ROBO2: variants seen among roughly 807,000 people sequenced by gnomAD.
The protein encoded by ROBO2 is roundabout homolog 2.
A neutral mutation model predicts 160.8 loss-of-function variants in ROBO2; 53 were observed. That is an observed-to-expected ratio of 0.33 (90% CI 0.26 to 0.41). The LOEUF (loss-of-function observed/expected upper bound fraction) is 0.41. ROBO2 is among the 10% of genes least tolerant of loss of function. ROBO2 has a pLI of 1.00. For synonymous variants in ROBO2, 664 were observed against 611.7 expected, an observed-to-expected ratio of 1.09 and a Z score of -1.26; for missense variants, 1,577 against 1,722.4, an observed-to-expected ratio of 0.92 and a Z score of 1.49.
At chr3:77,568,318 A>C in exon 13 of ROBO2, 1 of 1,612,768 alleles carries the variant, frequency 6.2e-7, no homozygotes, top group Non-Finnish European at 8.5e-7. Context: ...TGCAGATATC[A>C]GCCCACCAGC....
intron 3 of ROBO2, among the ~76,000 whole-genome samples, chr3:77,478,929 G>T (rs988098349): frequency 1.3e-5 from 2 of 152,068 alleles, no homozygotes; most frequent in African/African-American, 4.8e-5. Context: ...AAATAAACTG[G>T]CAATAGACAG....
chr3:76,863,626 GTGAAT>G (rs770722106), intron 2 of ROBO2, among the ~76,000 whole-genome samples: 6 of 152,012 alleles, frequency 3.9e-5, no homozygotes, highest in Non-Finnish European at 7.4e-5. Context: ...CTCTTAGACT[GTGAAT>G]TCCATGGGAA....
intron 2 of ROBO2, among the ~76,000 whole-genome samples, chr3:77,026,532 A>G (rs2062975649): frequency 6.6e-6 from 1 of 152,224 alleles, no homozygotes; most frequent in African/African-American, 2.4e-5. Flanking sequence ...TTTATTTCAC[A>G]GAGTCTGAAA....
chr3:76,642,341 C>CTTTTTTTTT lies in ROBO2; in HGVS notation c.110-455652_110-455644dup, dbSNP rs71104611. 4.2e-4 allele frequency among the ~76,000 whole-genome samples: 26 copies of CTTTTTTTTT among 62,218 alleles called. 5 individuals carry two copies. Among genetic ancestry groups the CTTTTTTTTT allele is most frequent in the African/African-American group, 1.7e-3 (23 of 13,908 alleles). The allele number at this position is 62,218 out of a possible 152,430, so 40.8% of individuals were successfully genotyped here. On this transcript the variant is annotated intron_variant, in intron 2 of 26. Coordinates refer to the ROBO2 transcript ENST00000487694. ...GCTAATTCAGAAATATTTACACTTGCTTTTTTTTTTTTTTTTTTTTTTTTT... is the reference window on the plus strand; with the variant it reads ...GCTAATTCAGAAATATTTACACTTGCTTTTTTTTTTTTTTTTTTTTTTTTTTTTTTTTTT...
intron 2 of ROBO2, among the ~76,000 whole-genome samples, chr3:76,405,465 A>G (rs1318153943): frequency 6.6e-6 from 1 of 151,812 alleles, no homozygotes; most frequent in African/African-American, 2.4e-5. Context: ...GAAGAAGAGT[A>G]GAAAGGTCAG....
intron 4 of ROBO2, among the ~76,000 whole-genome samples, chr3:77,490,099 CT>C (rs753903306): frequency 8.2e-4 from 104 of 126,650 alleles, no homozygotes; most frequent in East Asian, 1.8e-3. Flanking sequence ...TTGTATTTTA[CT>C]TTTTTTTTTT....
exon 19 of ROBO2, chr3:77,596,640 A>G (rs980059108): frequency 1.2e-5 from 20 of 1,613,842 alleles, no homozygotes; most frequent in East Asian, 2.2e-5. Flanking sequence ...GGTCTTCTCA[A>G]TGCTGGTGAT....
At chr3:77,278,421 G>T (rs1037461059) in intron 2 of ROBO2, among the ~76,000 whole-genome samples, 3 of 152,078 alleles carry the variant, frequency 2.0e-5, no homozygotes, top group Non-Finnish European at 4.4e-5. Context: ...GTACAGTGTT[G>T]CTAGAAAATA....
At chr3:76,284,230 C>T (rs1280939307) in intron 2 of ROBO2, among the ~76,000 whole-genome samples, 4 of 151,948 alleles carry the variant, frequency 2.6e-5, no homozygotes, top group Non-Finnish European at 1.5e-5. Context: ...TTTACCTTGG[C>T]AATAAAACCA....
intron 2 of ROBO2, among the ~76,000 whole-genome samples, chr3:76,354,805 A>G (rs957186708): frequency 4.6e-5 from 7 of 151,854 alleles, no homozygotes; most frequent in East Asian, 1.9e-4. Flanking sequence ...GAGAAGCCTC[A>G]GCACAGATGT....
intron 2 of ROBO2, among the ~76,000 whole-genome samples, chr3:77,350,606 A>G (rs771362087): frequency 8.5e-5 from 13 of 152,122 alleles, no homozygotes; most frequent in Non-Finnish European, 1.8e-4. Context: ...TCTTGTATAG[A>G]GTCTTAACAG....
intron 2 of ROBO2, among the ~76,000 whole-genome samples, chr3:76,797,750 A>C (rs1394237912): frequency 6.6e-6 from 1 of 151,944 alleles, no homozygotes; most frequent in African/African-American, 2.4e-5. Context: ...TAAAATTGAT[A>C]ATTCAGAAAT....
intron 2 of ROBO2, among the ~76,000 whole-genome samples, chr3:76,519,317 T>C (rs1173824278): frequency 6.6e-6 from 1 of 152,166 alleles, no homozygotes; most frequent in African/African-American, 2.4e-5. Context: ...AGTTGAGTAG[T>C]TGTAACAGGG....
chr3:76,309,081 G>T (rs985123), intron 2 of ROBO2, among the ~76,000 whole-genome samples: 3,467 of 152,004 alleles, frequency 0.023, 60 homozygotes, highest in South Asian at 0.076. Flanking sequence ...CATGAAATCT[G>T]TGCTTTTTCT....
At chr3:77,620,410 T>C (rs2094877412) in intron 22 of ROBO2, among the ~76,000 whole-genome samples, 1 of 152,236 alleles carries the variant, frequency 6.6e-6, no homozygotes, top group Non-Finnish European at 1.5e-5. Flanking sequence ...GGAGTACATT[T>C]TTTATTCCAT....
At chr3:77,224,117 G>A (rs1290068528) in intron 2 of ROBO2, among the ~76,000 whole-genome samples, 1 of 151,932 alleles carries the variant, frequency 6.6e-6, no homozygotes, top group Non-Finnish European at 1.5e-5. Context: ...GAAAGTAGTA[G>A]TCTATTAATT....
At chr3:77,344,082 A>G (rs1011733745) in intron 2 of ROBO2, among the ~76,000 whole-genome samples, 8 of 152,080 alleles carry the variant, frequency 5.3e-5, no homozygotes, top group Non-Finnish European at 1.0e-4. Context: ...TGCAAAGAAG[A>G]ATATAAACAT....
chr3:76,615,946 A>G (rs1174467313), intron 2 of ROBO2, among the ~76,000 whole-genome samples: 2 of 152,180 alleles, frequency 1.3e-5, no homozygotes, highest in Non-Finnish European at 2.9e-5. Flanking sequence ...GCCAGAGTTG[A>G]GTATAAGATG....
At chr3:76,187,077 A>AG (rs397747130) in intron 2 of ROBO2, among the ~76,000 whole-genome samples, 1 of 151,326 alleles carries the variant, frequency 6.6e-6, no homozygotes, top group Non-Finnish European at 1.5e-5. Flanking sequence ...TAAAAAAAAA[A>AG]CTTTGTCAAT....
Sources: allele counts gnomAD v4.1 joint callset (sites outside exome capture counted in the v4.1 genomes callset), GRCh38; gene constraint gnomAD v4.1.1; transcripts MANE v1.5; gene names NCBI Gene and HGNC (gene_info 2026-07-23, HGNC 2026-07-21).